MYH11: variants seen among roughly 807,000 people sequenced by gnomAD.
MYH11 encodes myosin heavy chain 11.
Under a neutral mutation model 246.6 loss-of-function variants are expected in MYH11, and 80 were observed. The observed-to-expected ratio is 0.32, with a 90% CI of 0.27 to 0.39. The LOEUF (loss-of-function observed/expected upper bound fraction) is 0.39, where lower values mean the gene tolerates loss of function less well. MYH11 is among the 10% of genes least tolerant of loss of function. The probability of loss-of-function intolerance (pLI) is 1.00; values close to 1 mark genes in which losing one functional copy is unlikely to be tolerated. For synonymous variants in MYH11, 1,071 were observed against 1,015.5 expected, an observed-to-expected ratio of 1.05 and a Z score of -1.04; for missense variants, 2,158 against 2,546.8, an observed-to-expected ratio of 0.85 and a Z score of 3.29.
chr16:15,775,988 G>T, intron 8 of MYH11, 90 bp downstream of exon 8: 1 of 944,584 alleles, frequency 1.1e-6, no homozygotes, highest in South Asian at 1.3e-5. Context: ...CAGGATCTGA[G>T]ACTGTTTTAA....
chr16:15,798,656 T>G lies in MYH11; in HGVS notation c.530+4A>C. 1 of 1,591,468 alleles carries G rather than the reference T, an allele frequency of 6.3e-7. No individual in the cohort carries two copies. Among genetic ancestry groups the G allele is most frequent in the Non-Finnish European group, 8.5e-7 (1 of 1,171,668 alleles). The stretch of plus-strand genomic sequence containing the variant: ...AAAACAGAAGAAAAAGCAGTTCCAC[T>G]TACGTGCATAGAATGGACTGGTCCT... On this transcript the variant is annotated splice_donor_region_variant and intron_variant, in intron 4 of 40. Coordinates refer to ENST00000300036, the MANE Select transcript of MYH11 (RefSeq NM_002474.3).
intron 3 of MYH11, among the ~76,000 whole-genome samples, chr16:15,810,160 A>C (rs959559297): frequency 6.6e-6 from 1 of 151,296 alleles, no homozygotes; most frequent in African/African-American, 2.4e-5. Flanking sequence ...CAGCCTCCCG[A>C]GTAGCTGGGA....
intron 1 of MYH11, among the ~76,000 whole-genome samples, chr16:15,848,010 A>G (rs969209395): frequency 1.3e-5 from 2 of 152,104 alleles, no homozygotes; most frequent in Non-Finnish European, 2.9e-5. Context: ...TCCCTCATTG[A>G]GACACAAAAC....
chr16:15,816,955 G>A (rs2151349004), intron 3 of MYH11, among the ~76,000 whole-genome samples: 2 of 152,220 alleles, frequency 1.3e-5, no homozygotes, highest in Middle Eastern at 6.8e-3. Context: ...ATTCCTACAT[G>A]CACTGATATG....
At position 15,719,689 on chromosome 16, in the gene MYH11, C is replaced by G. The variant is rs1170308208; in HGVS notation, c.4978G>C (p.Glu1660Gln). The change falls in exon 35 of 41, where the codon GAG becomes CAG. Residue 1660 changes from glutamate to glutamine, a missense_variant. Glu to Gln is a conservative substitution (Grantham distance 29). Around this residue, in one of 11 missense-constraint regions of MYH11, gnomAD observed 1,013 missense variants for 993.5 expected, o/e 1.02. Transcript: ENST00000300036. ...CTGGAGGCACGGGCATCTTCCAGCT[C>G]TCTTTGAAAGTCCTTCATCTGAGCC... ...LQAQMKDFQRELEDARASRDE... is the reference protein window; with the variant it reads ...LQAQMKDFQRQLEDARASRDE... 2.5e-6 allele frequency: 4 copies of G among 1,614,080 alleles called. No homozygotes were observed. Among genetic ancestry groups the G allele is most frequent in the African/African-American group, 2.7e-5 (2 of 74,932 alleles).
intron 15 of MYH11, among the ~76,000 whole-genome samples, chr16:15,752,699 G>A (rs551060750): frequency 1.2e-4 from 19 of 152,204 alleles, no homozygotes; most frequent in Middle Eastern, 3.4e-3. Flanking sequence ...GCCAACATGG[G>A]GGAACCCCGT....
At chr16:15,777,484 G>C (rs1447876659) in intron 7 of MYH11, among the ~76,000 whole-genome samples, 1 of 152,146 alleles carries the variant, frequency 6.6e-6, no homozygotes, top group African/African-American at 2.4e-5. Context: ...AACATACTTT[G>C]AGAACCACTG....
chr16:15,734,852 C>T (rs940200506), intron 26 of MYH11, among the ~76,000 whole-genome samples: 4 of 152,108 alleles, frequency 2.6e-5, no homozygotes, highest in African/African-American at 4.8e-5. Context: ...AAAGATTGTA[C>T]ATCCCTGGTA....
In MYH11 at chr16:15,704,092, T is replaced by C; in HGVS notation, c.5818A>G (p.Arg1940Gly). The C allele has an allele frequency of 6.2e-7, 1 of 1,614,170 alleles. No homozygotes were observed. The highest frequency in any genetic ancestry group is 8.5e-7 in the Non-Finnish European group (1 of 1,180,036). ...RGNETSFVPSRRSGGRRVIEN... is the reference protein window; with the variant it reads ...RGNETSFVPSGRSGGRRVIEN... ...ATAACTCTACGTCCTCCAGACCTTC[T>C]AGAAGGAACGAAAGAGGTCTCGTTT... is the stretch of plus-strand genomic sequence containing the variant. Residue 1940 changes from arginine to glycine, a missense_variant, in exon 41 of 41, where the codon AGA (arginine) becomes GGA (glycine). Transcript: ENST00000300036.
rs907051668 is a variant in MYH11 at position 15,721,516 on chromosome 16, G to A, written c.4484C>T (p.Ala1495Val). The A allele has an allele frequency of 4.3e-6, 7 of 1,614,184 alleles. No homozygotes were observed. Among genetic ancestry groups the A allele is most frequent in the Non-Finnish European group, 5.1e-6 (6 of 1,180,052 alleles). The change falls in exon 32 of 41, where the codon GCC becomes GTC. Residue 1495 changes from alanine (A) to valine (V), a missense_variant. This residue lies in a region of MYH11 where 1,013 missense variants were observed against 993.5 expected (regional missense o/e 1.02). Coordinates refer to ENST00000300036, the MANE Select transcript of MYH11 (RefSeq NM_002474.3). ...CTCGAGTTCCTCTTTGGCTTCCAAG[G>A]CCTCTTCAAGGGCCCGAGCCAGGGA... is the stretch of plus-strand genomic sequence containing the variant. ...ALSLARALEE[A>V]LEAKEELERT...
intron 10 of MYH11, among the ~76,000 whole-genome samples, chr16:15,762,090 T>G (rs2041880441): frequency 6.6e-6 from 1 of 152,238 alleles, no homozygotes; most frequent in African/African-American, 2.4e-5. Context: ...TTCTCCTGCC[T>G]CAGCCTCCTG....
intron 10 of MYH11, 38 bp downstream of exon 10, chr16:15,763,758 C>T (rs1364631819): frequency 1.8e-6 from 2 of 1,086,158 alleles, no homozygotes; most frequent in Admixed American, 1.7e-5. Flanking sequence ...CCCCCCCAAC[C>T]CCAAAGTCAT....
chr16:15,704,539 T>C (rs999937944), intron 40 of MYH11, among the ~76,000 whole-genome samples: 1 of 152,232 alleles, frequency 6.6e-6, no homozygotes, highest in South Asian at 2.1e-4. Context: ...GGGGCAGAGT[T>C]GAAGAGAGAA....
At chr16:15,777,018 C>T (rs1456300338) in intron 7 of MYH11, among the ~76,000 whole-genome samples, 1 of 152,064 alleles carries the variant, frequency 6.6e-6, no homozygotes, top group African/African-American at 2.4e-5. Flanking sequence ...GCTAGCAGTG[C>T]CCGGGCTACC....
chr16:15,715,318 C>A (rs2040066301), intron 38 of MYH11, 46 bp from the exon 39 acceptor site: 1 of 1,591,408 alleles, frequency 6.3e-7, no homozygotes, highest in Non-Finnish European at 8.6e-7. Flanking sequence ...AGGGTGGCAC[C>A]CCTTGTAGCT....
In MYH11 at chr16:15,814,534, C is replaced by T. The variant is rs185086626; in HGVS notation, c.502+8721G>A. On this transcript the variant is annotated intron_variant, in intron 3 of 40. Coordinates refer to ENST00000300036, the MANE Select transcript of MYH11 (RefSeq NM_002474.3). ...TGCCATTGCACTCCAGCCTGGACAA[C>T]GAGAGTGAAACTCCATCTCAAAAAA... Among the ~76,000 whole-genome samples, 7 of 103,068 alleles carry T rather than the reference C, an allele frequency of 6.8e-5. No homozygotes were observed. In the East Asian group the frequency reaches 1.4e-3, roughly 21 times the overall value. The allele number at this position is 103,068 out of a possible 152,430, so 67.6% of individuals were successfully genotyped here. A position where few individuals can be genotyped will look rare whatever the true frequency, so the allele number is the denominator to read the frequency against.
chr16:15,704,983 A>T (rs1471888752), intron 40 of MYH11, among the ~76,000 whole-genome samples: 2 of 152,090 alleles, frequency 1.3e-5, no homozygotes, highest in African/African-American at 4.8e-5. Context: ...CTGGCCTTCA[A>T]GGTGGATTTA....
At chr16:15,728,653 A>G (rs868411658) in intron 27 of MYH11, among the ~76,000 whole-genome samples, 13 of 152,068 alleles carry the variant, frequency 8.5e-5, no homozygotes, top group Admixed American at 3.3e-4. Flanking sequence ...GAATCCCAGC[A>G]CTTTGGGAGG....
intron 2 of MYH11, among the ~76,000 whole-genome samples, chr16:15,833,305 GAAA>G (rs2043793646): frequency 7.3e-6 from 1 of 136,616 alleles, no homozygotes; most frequent in East Asian, 2.2e-4. Flanking sequence ...TCAAAAGAAA[GAAA>G]AAGAAAAAAG....
Sources: gnomAD v4.1 joint callset for allele counts (sites outside exome capture counted in the v4.1 genomes callset) on GRCh38, gnomAD v4.1.1 for gene constraint, gnomAD v4.1.1 regional missense constraint, MANE v1.5 for transcripts, NCBI Gene and HGNC (gene_info 2026-07-23, HGNC 2026-07-21) for gene names.